Variants in DNM3 observed in about 807,000 individuals in gnomAD.
DNM3 encodes the protein dynamin 3.
DNM3 carries 47 observed loss-of-function variants against 101.6 expected under a neutral mutation model. The observed-to-expected ratio is 0.46, with a 90% CI of 0.37 to 0.59. The LOEUF (loss-of-function observed/expected upper bound fraction) is 0.59. DNM3 is among the 20% of genes least tolerant of loss of function. The probability of loss-of-function intolerance (pLI) is 0.00; values close to 1 mark genes in which losing one functional copy is unlikely to be tolerated. For missense variants in DNM3, 849 were observed against 1,085.7 expected (o/e 0.78, Z 3.06); for synonymous variants, 385 against 387.9 (o/e 0.99, Z 0.09).
At chr1:171,908,137 T>A (rs1415182133) in intron 1 of DNM3, among the ~76,000 whole-genome samples, 1 of 152,220 alleles carries the variant, frequency 6.6e-6, no homozygotes, top group Non-Finnish European at 1.5e-5. Flanking sequence ...AATATGTTGG[T>A]CAAGTTCTAC....
intron 2 of DNM3, among the ~76,000 whole-genome samples, chr1:171,955,843 C>G (rs2042818699): frequency 6.6e-6 from 1 of 152,066 alleles, no homozygotes; most frequent in African/African-American, 2.4e-5. Flanking sequence ...GCTGGGGAGG[C>G]CTGACAATCA....
chr1:172,046,146 GA>G (rs1343150938), intron 9 of DNM3, among the ~76,000 whole-genome samples: 1 of 151,984 alleles, frequency 6.6e-6, no homozygotes, highest in East Asian at 1.9e-4. Flanking sequence ...CAAAGACTTG[GA>G]ACCAACCCAA....
At chr1:172,387,097 T>A (rs2069227110) in intron 18 of DNM3, 36 bp from the exon 19 acceptor site, 1 of 1,556,884 alleles carries the variant, frequency 6.4e-7, no homozygotes, top group African/African-American at 1.4e-5. Flanking sequence ...GTCACTCATT[T>A]ATTCCCATTT....
intron 14 of DNM3, among the ~76,000 whole-genome samples, chr1:172,218,512 TATG>T (rs1424142009): frequency 6.6e-6 from 1 of 152,164 alleles, no homozygotes. Flanking sequence ...TTTGCACTAA[TATG>T]ATGTTATTTA....
intron 1 of DNM3, among the ~76,000 whole-genome samples, chr1:171,854,953 CTTG>C (rs1558168642): frequency 6.6e-6 from 1 of 152,064 alleles, no homozygotes; most frequent in African/African-American, 2.4e-5. Flanking sequence ...GTCATGGGGG[CTTG>C]TTGTACAGAT....
chr1:172,305,698 C>T (rs1285587780), intron 15 of DNM3, among the ~76,000 whole-genome samples: 1 of 152,216 alleles, frequency 6.6e-6, no homozygotes, highest in East Asian at 1.9e-4. Context: ...ATCAAGTTGG[C>T]TTCACCATGG....
At chr1:171,916,256 C>A (rs1021220249) in intron 1 of DNM3, among the ~76,000 whole-genome samples, 9 of 152,162 alleles carry the variant, frequency 5.9e-5, no homozygotes, top group African/African-American at 1.9e-4. Flanking sequence ...TTTTGTGCCT[C>A]TGTTTTCTCA....
At chr1:171,843,038 T>A (rs2031514233) in intron 1 of DNM3, among the ~76,000 whole-genome samples, 1 of 152,202 alleles carries the variant, frequency 6.6e-6, no homozygotes, top group Non-Finnish European at 1.5e-5. Flanking sequence ...TTCTGTTCCT[T>A]TTTTCTTTTT....
chr1:172,057,558 T>G (rs924574603), intron 10 of DNM3, among the ~76,000 whole-genome samples: 26 of 151,692 alleles, frequency 1.7e-4, no homozygotes, highest in Middle Eastern at 3.2e-3. Flanking sequence ...TTGAAGAAAA[T>G]AATTTTCAAC....
At position 172,408,211 on chromosome 1, in the gene DNM3, C is replaced by G; in HGVS notation, c.*370C>G. 2 of 1,043,744 alleles carry G rather than the reference C, an allele frequency of 1.9e-6. No homozygotes were observed. The highest frequency in any genetic ancestry group is 7.7e-5 in the South Asian group (2 of 26,088). The allele number at this position is 1,043,744 out of a possible 1,614,324, so 64.7% of individuals were successfully genotyped here. On this transcript the variant is annotated 3_prime_UTR_variant, in exon 21 of 21. Transcript: ENST00000627582. Reference sequence around the variant, plus strand: ...AATTCTTCAGATATGAGATAGTGGGCTTAGACCTAAGCCATACATATTTCT... The same window carrying G: ...AATTCTTCAGATATGAGATAGTGGGGTTAGACCTAAGCCATACATATTTCT...
intron 14 of DNM3, among the ~76,000 whole-genome samples, chr1:172,178,987 A>G (rs1430018909): frequency 6.6e-6 from 1 of 151,956 alleles, no homozygotes; most frequent in Non-Finnish European, 1.5e-5. Context: ...AATGCTTTGA[A>G]CTGCTGGGTG....
chr1:172,329,967 T>C (rs2066111595), intron 17 of DNM3, among the ~76,000 whole-genome samples: 1 of 152,122 alleles, frequency 6.6e-6, no homozygotes, highest in South Asian at 2.1e-4. Context: ...TTAGGAGATA[T>C]GAGAAAGAAG....
chr1:172,233,906 T>G (rs2061435726), intron 14 of DNM3, among the ~76,000 whole-genome samples: 1 of 152,162 alleles, frequency 6.6e-6, no homozygotes, highest in Non-Finnish European at 1.5e-5. Context: ...TAATAAGAGC[T>G]ATTTATGATA....
intron 15 of DNM3, among the ~76,000 whole-genome samples, chr1:172,259,972 T>G (rs938500936): frequency 1.3e-5 from 2 of 152,166 alleles, no homozygotes; most frequent in African/African-American, 4.8e-5. Context: ...CTTTTGCTTT[T>G]GGGTGTAGGT....
At chr1:171,953,350 T>A (rs2042648524) in intron 2 of DNM3, among the ~76,000 whole-genome samples, 1 of 152,164 alleles carries the variant, frequency 6.6e-6, no homozygotes, top group Non-Finnish European at 1.5e-5. Flanking sequence ...GCACTTTTCA[T>A]GATATCAGTT....
intron 2 of DNM3, among the ~76,000 whole-genome samples, chr1:171,970,694 AATC>A (rs548286048): frequency 1.0e-3 from 90 of 87,676 alleles, no homozygotes; most frequent in Middle Eastern, 6.1e-3. Context: ...GTATAGTAAG[AATC>A]ATCATTAGGA....
At chr1:172,298,078 A>G (rs2064251422) in intron 15 of DNM3, among the ~76,000 whole-genome samples, 1 of 152,012 alleles carries the variant, frequency 6.6e-6, no homozygotes, top group Non-Finnish European at 1.5e-5. Flanking sequence ...CTTGCTATTT[A>G]TCTACTTAAT....
intron 14 of DNM3, among the ~76,000 whole-genome samples, chr1:172,231,753 T>C (rs1410946430): frequency 1.3e-5 from 2 of 152,168 alleles, no homozygotes; most frequent in Non-Finnish European, 2.9e-5. Flanking sequence ...CTTAAAAGAC[T>C]TGATGGAGCT....
intron 19 of DNM3, among the ~76,000 whole-genome samples, chr1:172,388,047 A>C (rs1430477812): frequency 1.3e-5 from 2 of 152,166 alleles, no homozygotes; most frequent in African/African-American, 2.4e-5. Flanking sequence ...CAGGCTGGCC[A>C]ACATAGTGAA....
Sources: gnomAD v4.1 joint callset for allele counts (sites outside exome capture counted in the v4.1 genomes callset) on GRCh38, gnomAD v4.1.1 for gene constraint, MANE v1.5 for transcripts, NCBI Gene and HGNC (gene_info 2026-07-23, HGNC 2026-07-21) for gene names.